Variants in ANKRD17 observed in about 807,000 individuals in gnomAD.
The protein encoded by ANKRD17 is ankyrin repeat domain 17, also known as ankyrin repeat domain-containing protein 17.
A neutral mutation model predicts 229.7 loss-of-function variants in ANKRD17; 19 were observed. The observed-to-expected ratio is 0.08, with a 90% CI of 0.06 to 0.12. The LOEUF is 0.12. ANKRD17 is among the 10% of genes least tolerant of loss of function. ANKRD17 has a pLI of 1.00. For synonymous variants in ANKRD17, 1,112 were observed against 1,146.1 expected (o/e 0.97, Z 0.60); for missense variants, 2,176 against 3,176.8 (o/e 0.68, Z 7.57).
At chr4:73,194,584 A>T (rs1737577312) in intron 1 of ANKRD17, among the ~76,000 whole-genome samples, 1 of 152,066 alleles carries the variant, frequency 6.6e-6, no homozygotes, top group Non-Finnish European at 1.5e-5. Context: ...ATCTGGTGGG[A>T]TTTTGATTGG....
chr4:73,122,870 A>G (rs574784123), intron 18 of ANKRD17, among the ~76,000 whole-genome samples: 5 of 152,238 alleles, frequency 3.3e-5, no homozygotes, highest in African/African-American at 1.2e-4. Context: ...AAGTTTTCTC[A>G]ATGCCATTAT....
At chr4:73,204,129 G>A (rs1739097860) in intron 1 of ANKRD17, among the ~76,000 whole-genome samples, 1 of 151,946 alleles carries the variant, frequency 6.6e-6, no homozygotes, top group South Asian at 2.1e-4. Context: ...GGAGGCACAG[G>A]CGGGCGATCA....
intron 1 of ANKRD17, among the ~76,000 whole-genome samples, chr4:73,234,594 G>T (rs75742330): frequency 0.011 from 1,689 of 152,320 alleles, 33 homozygotes; most frequent in African/African-American, 0.039. Flanking sequence ...ATTTAAGCAG[G>T]TAGGGCACGC....
rs139442919 is a variant in ANKRD17 at position 73,221,987 on chromosome 4, T to C, written c.393+36289A>G. Reference sequence around the variant, plus strand: ...CTGCTAACCCCGCCTAGCTTCCCTTTGCAGCTTCTTCTCCCAAGCCCTCTC... The same window carrying C: ...CTGCTAACCCCGCCTAGCTTCCCTTCGCAGCTTCTTCTCCCAAGCCCTCTC... On this transcript the variant is annotated intron_variant, in intron 1 of 33. Transcript: ENST00000358602. Among the ~76,000 whole-genome samples, 296 of 152,254 alleles carry C rather than the reference T, an allele frequency of 1.9e-3. 1 individual carries two copies. The highest frequency in any genetic ancestry group is 6.8e-3 in the African/African-American group (284 of 41,544).
At chr4:73,238,281 T>C (rs1743689541) in intron 1 of ANKRD17, among the ~76,000 whole-genome samples, 2 of 152,128 alleles carry the variant, frequency 1.3e-5, no homozygotes, top group Non-Finnish European at 2.9e-5. Flanking sequence ...GACTGAGATA[T>C]TTAATTTTTA....
rs1720936337 is a variant in ANKRD17, at chr4:73,075,416, C to T, written c.*815G>A. The T allele has an allele frequency of 6.6e-6, 1 of 152,232 alleles. No individual in the cohort carries two copies. Among genetic ancestry groups the T allele is most frequent in the Admixed American group, 6.5e-5 (1 of 15,280 alleles). 9.4% of individuals were successfully genotyped at this position (152,232 alleles called of 1,614,324 possible). A position where few individuals can be genotyped will look rare whatever the true frequency, so the allele number is the denominator to read the frequency against. On this transcript the variant is annotated 3_prime_UTR_variant, in exon 34 of 34. Transcript: ENST00000358602. The stretch of plus-strand genomic sequence containing the variant: ...ATTACAGTGAAAATCTTGACAGAAC[C>T]TTTTCACTATCAGAAAGATAATTTT...
intron 11 of ANKRD17, among the ~76,000 whole-genome samples, chr4:73,143,090 T>A (rs549662466): frequency 1.3e-5 from 2 of 152,332 alleles, no homozygotes; most frequent in East Asian, 3.9e-4. Flanking sequence ...AAGTAAAATA[T>A]GAAGTTTTAT....
intron 16 of ANKRD17, among the ~76,000 whole-genome samples, chr4:73,128,959 AATT>A (rs1727827070): frequency 6.6e-6 from 1 of 152,236 alleles, no homozygotes; most frequent in Non-Finnish European, 1.5e-5. Context: ...TCATGGAAAT[AATT>A]ATAATACAGC....
chr4:73,122,839 A>G (rs898704831), intron 18 of ANKRD17, among the ~76,000 whole-genome samples: 7 of 152,106 alleles, frequency 4.6e-5, no homozygotes, highest in Non-Finnish European at 1.0e-4. Flanking sequence ...AGTATAGTAG[A>G]AAACTCTAAT....
chr4:73,147,840 T>C (rs560691649), intron 8 of ANKRD17, among the ~76,000 whole-genome samples: 1 of 152,248 alleles, frequency 6.6e-6, no homozygotes, highest in Admixed American at 6.5e-5. Context: ...TACAACTTAT[T>C]TAGGTATTAT....
At chr4:73,166,070 C>T (rs1733188071) in intron 2 of ANKRD17, among the ~76,000 whole-genome samples, 1 of 152,236 alleles carries the variant, frequency 6.6e-6, no homozygotes, top group Non-Finnish European at 1.5e-5. Context: ...CGTTGTTTCA[C>T]ACCACTATAT....
chr4:73,254,423 T>C (rs1745279522), intron 1 of ANKRD17, among the ~76,000 whole-genome samples: 1 of 152,210 alleles, frequency 6.6e-6, no homozygotes, highest in Non-Finnish European at 1.5e-5. Flanking sequence ...ATTTATACTT[T>C]AAGCATCTTC....
chr4:73,253,643 T>G (rs1042225209), intron 1 of ANKRD17, among the ~76,000 whole-genome samples: 3 of 152,214 alleles, frequency 2.0e-5, no homozygotes, highest in Non-Finnish European at 2.9e-5. Flanking sequence ...ACTTTTAACC[T>G]TTACCTAGAC....
chr4:73,232,130 T>C (rs1372390071), intron 1 of ANKRD17, among the ~76,000 whole-genome samples: 2 of 152,290 alleles, frequency 1.3e-5, no homozygotes, highest in Middle Eastern at 3.4e-3. Flanking sequence ...TTATAGGCCA[T>C]GGGACACACA....
At chr4:73,229,460 T>C (rs1742833503) in intron 1 of ANKRD17, among the ~76,000 whole-genome samples, 2 of 152,148 alleles carry the variant, frequency 1.3e-5, no homozygotes, top group African/African-American at 2.4e-5. Context: ...TGTATCCAGA[T>C]TTATTCTTAG....
intron 1 of ANKRD17, among the ~76,000 whole-genome samples, chr4:73,242,554 T>C (rs1220783280): frequency 6.6e-6 from 1 of 152,184 alleles, no homozygotes; most frequent in Non-Finnish European, 1.5e-5. Context: ...CAAATTTCAA[T>C]GTATAATCTG....
At chr4:73,154,474 A>G (rs1731383769) in intron 5 of ANKRD17, among the ~76,000 whole-genome samples, 1 of 152,144 alleles carries the variant, frequency 6.6e-6, no homozygotes, top group African/African-American at 2.4e-5. Flanking sequence ...GAAATGCTTC[A>G]CAAGCTTTTT....
intron 29 of ANKRD17, among the ~76,000 whole-genome samples, chr4:73,090,169 G>T (rs1322014217): frequency 1.3e-5 from 2 of 152,176 alleles, no homozygotes; most frequent in Non-Finnish European, 2.9e-5. Context: ...TAGCACTTTG[G>T]GAGGCCAAGG....
intron 1 of ANKRD17, among the ~76,000 whole-genome samples, chr4:73,189,043 C>G (rs144584033): frequency 6.6e-6 from 1 of 152,072 alleles, no homozygotes; most frequent in African/African-American, 2.4e-5. Context: ...CCCTTCAAAA[C>G]GGCACCTAAA....
Sources: gnomAD v4.1 joint callset for allele counts (sites outside exome capture counted in the v4.1 genomes callset) on GRCh38, gnomAD v4.1.1 for gene constraint, MANE v1.5 for transcripts, NCBI Gene and HGNC (gene_info 2026-07-23, HGNC 2026-07-21) for gene names.